EML4: variants seen among roughly 807,000 people sequenced by gnomAD.
The protein encoded by EML4 is echinoderm microtubule-associated protein-like 4.
In EML4, 72 loss-of-function variants were observed where a neutral mutation model predicts 129.0. The ratio of observed to expected loss-of-function variants is 0.56; its 90% CI spans 0.46 to 0.68. The LOEUF (loss-of-function observed/expected upper bound fraction) is 0.68, where lower values mean the gene tolerates loss of function less well. Ranked by LOEUF, EML4 falls within the 30% of genes least tolerant of loss-of-function variation. The pLI is 0.00. For missense variants in EML4, 1,363 were observed against 1,190.6 expected (o/e 1.14, Z -2.13); for synonymous variants, 532 against 405.0 (o/e 1.31, Z -3.77).
At chr2:42,202,864 CA>C (rs1168282609) in intron 1 of EML4, among the ~76,000 whole-genome samples, 1 of 151,938 alleles carries the variant, frequency 6.6e-6, no homozygotes, top group Admixed American at 6.6e-5. Context: ...CCCATCTCTA[CA>C]AAAAATAAAA....
intron 1 of EML4, among the ~76,000 whole-genome samples, chr2:42,199,376 A>C (rs1430780789): frequency 6.6e-6 from 1 of 152,230 alleles, no homozygotes. Context: ...AGTAAGATCA[A>C]AACTTATATG....
At position 42,169,557 on chromosome 2, in the gene EML4, C is replaced by T; in HGVS notation, c.-55C>T. 1.3e-6 allele frequency: 2 copies of T among 1,578,900 alleles called. No homozygotes were observed. Among genetic ancestry groups the T allele is most frequent in the South Asian group, 1.1e-5 (1 of 88,860 alleles). On this transcript the variant is annotated 5_prime_UTR_variant, in exon 1 of 23. Transcript: ENST00000318522. ...CTCAGCGTCGGCCACTCTGTCGGTC[C>T]GCTGAATGAAGTGCCCGCCCCTCTA... is the stretch of plus-strand genomic sequence containing the variant.
At chr2:42,231,045 A>T (rs1674310008) in intron 1 of EML4, among the ~76,000 whole-genome samples, 1 of 152,034 alleles carries the variant, frequency 6.6e-6, no homozygotes, top group Admixed American at 6.6e-5. Context: ...GTCTGGTTAA[A>T]CCCTTTCCAT....
At chr2:42,201,641 A>G (rs79921794) in intron 1 of EML4, among the ~76,000 whole-genome samples, 23,319 of 152,214 alleles carry the variant, frequency 0.15, 1,917 homozygotes, top group South Asian at 0.24. Context: ...AAACGTACTC[A>G]GCCTTGGAAA....
At chr2:42,214,625 A>G (rs1661947181) in intron 1 of EML4, among the ~76,000 whole-genome samples, 1 of 152,126 alleles carries the variant, frequency 6.6e-6, no homozygotes, top group Non-Finnish European at 1.5e-5. Flanking sequence ...TGGGTCAGGA[A>G]TTTGGGCAGG....
At chr2:42,306,674 T>C (rs975872135) in intron 17 of EML4, among the ~76,000 whole-genome samples, 10 of 131,248 alleles carry the variant, frequency 7.6e-5, no homozygotes, top group African/African-American at 1.2e-4. Context: ...TTTTTTTTTT[T>C]TGTATTTTTA....
rs1572775162 is a variant in EML4 at position 42,331,605 on chromosome 2, G to A, written c.*1398G>A. On this transcript the variant is annotated 3_prime_UTR_variant, in exon 23 of 23. Transcript: ENST00000318522. The stretch of plus-strand genomic sequence containing the variant: ...AATCATGTTTAGAAACTTTGGATGA[G>A]TTAAGAAGTCTTAAGTATGCAGGCG... The A allele has an allele frequency of 4.5e-6, 1 of 224,428 alleles. No homozygotes were observed. The highest frequency in any genetic ancestry group is 1.8e-4 in the South Asian group (1 of 5,454). The allele number at this position is 224,428 out of a possible 1,614,324, so 13.9% of individuals were successfully genotyped here. A position where few individuals can be genotyped will look rare whatever the true frequency, so the allele number is the denominator to read the frequency against.
chr2:42,304,256 C>T (rs1389651318), intron 16 of EML4, among the ~76,000 whole-genome samples: 1 of 152,168 alleles, frequency 6.6e-6, no homozygotes, highest in African/African-American at 2.4e-5. Context: ...TTGTTCCACT[C>T]CCTAGCCACA....
At chr2:42,243,446 C>G (rs1675171868) in intron 1 of EML4, among the ~76,000 whole-genome samples, 2 of 151,742 alleles carry the variant, frequency 1.3e-5, no homozygotes, top group South Asian at 4.2e-4. Context: ...ACACATGTGC[C>G]TTTAAGTAAC....
At chr2:42,295,610 G>A in intron 13 of EML4, 94 bp downstream of exon 13, 2 of 1,079,616 alleles carry the variant, frequency 1.9e-6, no homozygotes, top group East Asian at 2.6e-5. Flanking sequence ...GAGCTGCAGT[G>A]TAACAATATG....
chr2:42,200,153 C>CAAAAAAAAAAAAAAAAAA (rs11421705), intron 1 of EML4, among the ~76,000 whole-genome samples: 1 of 84,466 alleles, frequency 1.2e-5, no homozygotes. Flanking sequence ...ACTAAAAATA[C>CAAAAAAAAAAAAAAAAAA]AAAAAAAAAA....
At chr2:42,218,520 C>A (rs1673348457) in intron 1 of EML4, among the ~76,000 whole-genome samples, 1 of 152,090 alleles carries the variant, frequency 6.6e-6, no homozygotes, top group Non-Finnish European at 1.5e-5. Context: ...GACTGCTGCC[C>A]TAGAGTATTC....
intron 1 of EML4, among the ~76,000 whole-genome samples, chr2:42,195,348 T>G (rs1480693177): frequency 1.3e-5 from 2 of 152,216 alleles, no homozygotes; most frequent in Non-Finnish European, 2.9e-5. Context: ...ATTCATAGTA[T>G]TATAATGTTT....
intron 1 of EML4, among the ~76,000 whole-genome samples, chr2:42,197,290 G>C (rs1671949906): frequency 6.6e-6 from 1 of 152,072 alleles, no homozygotes; most frequent in African/African-American, 2.4e-5. Flanking sequence ...CTCCAACTGT[G>C]AGGGCTCAAG....
chr2:42,326,907 G>C (rs1204203046), intron 21 of EML4, among the ~76,000 whole-genome samples: 1 of 152,058 alleles, frequency 6.6e-6, no homozygotes, highest in Non-Finnish European at 1.5e-5. Flanking sequence ...GTAAAATTCA[G>C]TGGTTTTTGT....
In EML4 at chr2:42,292,799, G is replaced by A. The variant is rs867554042; in HGVS notation, c.1219-2326G>A. 3.9e-5 allele frequency among the ~76,000 whole-genome samples: 6 copies of A among 152,270 alleles called. No individual in the cohort carries two copies. In the East Asian group the frequency reaches 9.6e-4, roughly 24 times the overall value. Reference sequence around the variant, plus strand: ...ATAAAAAGTTAAAAGGATATATCCTGTAAGGCAATACTCATACGCAAAGTG... The same window carrying A: ...ATAAAAAGTTAAAAGGATATATCCTATAAGGCAATACTCATACGCAAAGTG... On this transcript the variant is annotated intron_variant, in intron 11 of 22. Coordinates refer to ENST00000318522, the MANE Select transcript of EML4 (RefSeq NM_019063.5).
At chr2:42,265,160 G>A (rs926412832) in intron 6 of EML4, among the ~76,000 whole-genome samples, 16 of 151,928 alleles carry the variant, frequency 1.1e-4, no homozygotes, top group African/African-American at 3.9e-4. Flanking sequence ...GTGCAATCTC[G>A]GCTTACTGCA....
intron 1 of EML4, among the ~76,000 whole-genome samples, chr2:42,195,164 A>G (rs189811491): frequency 2.4e-3 from 362 of 152,232 alleles, no homozygotes; most frequent in Non-Finnish European, 4.4e-3. Context: ...CATGGAATGT[A>G]TTTCTCCTAA....
intron 1 of EML4, among the ~76,000 whole-genome samples, chr2:42,213,594 G>C (rs1386308021): frequency 2.0e-5 from 3 of 152,198 alleles, no homozygotes; most frequent in Admixed American, 1.3e-4. Context: ...TAAGCATTCA[G>C]ATTGCAGATG....
Sources: allele counts gnomAD v4.1 joint callset (sites outside exome capture counted in the v4.1 genomes callset), GRCh38; gene constraint gnomAD v4.1.1; transcripts MANE v1.5; gene names NCBI Gene and HGNC (gene_info 2026-07-23, HGNC 2026-07-21).